Variants in SAMSN1 observed in about 807,000 individuals in gnomAD.
The protein encoded by SAMSN1 is SAM domain, SH3 domain and nuclear localization signals 1.
In SAMSN1, 31 loss-of-function variants were observed where a neutral mutation model predicts 42.0. The ratio of observed to expected loss-of-function variants is 0.74; its 90% confidence interval spans 0.55 to 1.00. The LOEUF is 1.00. Among genes scored for constraint, SAMSN1 ranks in the 50% least tolerant of loss-of-function variants. SAMSN1 has a pLI of 0.00. For synonymous variants in SAMSN1, 178 were observed against 151.9 expected (o/e 1.17, Z -1.26); for missense variants, 464 against 439.4 (o/e 1.06, Z -0.50).
intron 2 of SAMSN1, among the ~76,000 whole-genome samples, chr21:14,640,746 T>C (rs138878231): frequency 6.6e-6 from 1 of 152,084 alleles, no homozygotes; most frequent in Non-Finnish European, 1.5e-5. Context: ...AATACTTTGA[T>C]GGGAATGACA....
chr21:14,507,028 C>G (rs752163302), intron 5 of SAMSN1, among the ~76,000 whole-genome samples: 1 of 152,058 alleles, frequency 6.6e-6, no homozygotes, highest in African/African-American at 2.4e-5. Context: ...AATAGGCATA[C>G]AAGCGACATA....
intron 5 of SAMSN1, among the ~76,000 whole-genome samples, chr21:14,509,060 G>A (rs1030391514): frequency 7.9e-5 from 12 of 151,784 alleles, no homozygotes; most frequent in African/African-American, 2.9e-4. Flanking sequence ...AGGTTTCAGT[G>A]AACCAAGATT....
chr21:14,568,689 A>T (rs2123213911), intron 2 of SAMSN1, among the ~76,000 whole-genome samples: 1 of 152,306 alleles, frequency 6.6e-6, no homozygotes, highest in Non-Finnish European at 1.5e-5. Context: ...TTCACAAATG[A>T]AGAAGTTTCC....
chr21:14,576,050 A>C (rs1329816662), intron 2 of SAMSN1, among the ~76,000 whole-genome samples: 1 of 152,236 alleles, frequency 6.6e-6, no homozygotes, highest in Non-Finnish European at 1.5e-5. Context: ...GCTTGATGAA[A>C]GGATGATACT....
At chr21:14,554,786 A>G (rs1271305852) in intron 2 of SAMSN1, among the ~76,000 whole-genome samples, 1 of 150,486 alleles carries the variant, frequency 6.6e-6, no homozygotes, top group East Asian at 2.0e-4. Context: ...ACAGCTTTAA[A>G]CTCCCAGGCT....
intron 7 of SAMSN1, among the ~76,000 whole-genome samples, chr21:14,593,552 G>C (rs1426860154): frequency 6.6e-6 from 1 of 151,902 alleles, no homozygotes; most frequent in Non-Finnish European, 1.5e-5. Context: ...TTAAAAAATG[G>C]TTTTACTATA....
At chr21:14,496,615 C>T (rs1294681522) in intron 7 of SAMSN1, among the ~76,000 whole-genome samples, 1 of 152,192 alleles carries the variant, frequency 6.6e-6, no homozygotes, top group Non-Finnish European at 1.5e-5. Flanking sequence ...GACTCCTTTA[C>T]CTGAACGAAC....
chr21:14,571,500 G>A (rs559202601), intron 2 of SAMSN1, among the ~76,000 whole-genome samples: 1 of 152,244 alleles, frequency 6.6e-6, no homozygotes, highest in South Asian at 2.1e-4. Context: ...GGTTTTTAGA[G>A]TGAATTCAAC....
chr21:14,624,743 C>G (rs904019229), intron 2 of SAMSN1, among the ~76,000 whole-genome samples: 1 of 152,168 alleles, frequency 6.6e-6, no homozygotes, highest in African/African-American at 2.4e-5. Flanking sequence ...TTCCAATCAA[C>G]AGAAAAAGAG....
intron 2 of SAMSN1, among the ~76,000 whole-genome samples, chr21:14,577,031 C>A (rs1600939935): frequency 8.1e-6 from 1 of 123,340 alleles, no homozygotes; most frequent in Non-Finnish European, 1.7e-5. Context: ...TTGTTTATGT[C>A]TAGATTGCAT....
intron 1 of SAMSN1, among the ~76,000 whole-genome samples, chr21:14,540,277 C>A (rs1465618039): frequency 2.0e-5 from 3 of 152,046 alleles, no homozygotes; most frequent in African/African-American, 7.2e-5. Flanking sequence ...GCAACAAAAG[C>A]CAAAATTGAC....
chr21:14,586,149 G>A (rs1366509114), upstream of SAMSN1, among the ~76,000 whole-genome samples: 2 of 150,410 alleles, frequency 1.3e-5, no homozygotes, highest in Non-Finnish European at 1.5e-5. Flanking sequence ...TGTGATCCCA[G>A]CTACTTGGGA....
At chr21:14,508,882 C>A (rs1297724737) in intron 5 of SAMSN1, among the ~76,000 whole-genome samples, 1 of 152,134 alleles carries the variant, frequency 6.6e-6, no homozygotes, top group Non-Finnish European at 1.5e-5. Context: ...GTAATCCCAG[C>A]ACTTTGGGAG....
rs145636426 is a variant in SAMSN1, at chr21:14,556,499, G to A, written c.261+25637C>T. Among the ~76,000 whole-genome samples the A allele has an allele frequency of 3.7e-4, 57 of 152,200 alleles. 1 individual carries two copies. The East Asian group carries it at 8.1e-3, about 22-fold the overall frequency. ...TATATATGTATGTGTATATGCATGC[G>A]TGTGTTCATACACATACACATATTA... On this transcript the variant is annotated intron_variant, in intron 2 of 8. Transcript: ENST00000285670.
At chr21:14,518,947 TTA>T (rs2123026356) in intron 2 of SAMSN1, among the ~76,000 whole-genome samples, 1 of 152,310 alleles carries the variant, frequency 6.6e-6, no homozygotes, top group African/African-American at 2.4e-5. Flanking sequence ...ACTACTTGTG[TTA>T]CTCTACCATT....
intron 5 of SAMSN1, among the ~76,000 whole-genome samples, chr21:14,500,949 G>A (rs1987127898): frequency 6.6e-6 from 1 of 152,182 alleles, no homozygotes; most frequent in African/African-American, 2.4e-5. Flanking sequence ...CAAGGCGGGA[G>A]GATTGCATGA....
intron 2 of SAMSN1, among the ~76,000 whole-genome samples, chr21:14,520,685 C>T (rs1978400801): frequency 6.6e-6 from 1 of 152,006 alleles, no homozygotes; most frequent in Admixed American, 6.6e-5. Context: ...TGGATGAAGC[C>T]CACCCTTTCC....
intron 3 of SAMSN1, among the ~76,000 whole-genome samples, chr21:14,613,584 A>G (rs1206315924): frequency 6.6e-6 from 1 of 152,188 alleles, no homozygotes. Context: ...GAGCAAAAAC[A>G]TGCATAGATA....
intron 2 of SAMSN1, among the ~76,000 whole-genome samples, chr21:14,557,439 C>A (rs1344227349): frequency 6.6e-6 from 1 of 152,142 alleles, no homozygotes; most frequent in African/African-American, 2.4e-5. Context: ...GGAATTCACG[C>A]CCCATACTTC....
Sources: gnomAD v4.1 joint callset for allele counts (sites outside exome capture counted in the v4.1 genomes callset) on GRCh38, gnomAD v4.1.1 for gene constraint, MANE v1.5 for transcripts, NCBI Gene and HGNC (gene_info 2026-07-23, HGNC 2026-07-21) for gene names.